Variants in NCOA3 observed in about 807,000 individuals in gnomAD.
NCOA3 encodes the protein CBP-interacting protein.
NCOA3 carries 51 observed loss-of-function variants against 158.8 expected under a neutral mutation model. The observed-to-expected ratio is 0.32, with a 90% CI of 0.26 to 0.41. The LOEUF (loss-of-function observed/expected upper bound fraction) is 0.41. NCOA3 is among the 10% of genes least tolerant of loss of function. The probability of loss-of-function intolerance (pLI) is 1.00; values close to 1 mark genes in which losing one functional copy is unlikely to be tolerated. For synonymous variants in NCOA3, 537 were observed against 592.4 expected, an observed-to-expected ratio of 0.91 and a Z score of 1.36; for missense variants, 1,510 against 1,746.6, an observed-to-expected ratio of 0.86 and a Z score of 2.41.
intron 1 of NCOA3, among the ~76,000 whole-genome samples, chr20:47,571,318 T>G (rs1022888398): frequency 6.6e-6 from 1 of 151,204 alleles, no homozygotes; most frequent in African/African-American, 2.4e-5. Context: ...TTTCTTTTCT[T>G]TCTTTTTTTT....
intron 1 of NCOA3, among the ~76,000 whole-genome samples, chr20:47,515,302 A>G (rs2084214186): frequency 6.6e-6 from 1 of 151,664 alleles, no homozygotes; most frequent in South Asian, 2.1e-4. Context: ...AGCTGGGACT[A>G]CAGGCGCGCA....
intron 1 of NCOA3, among the ~76,000 whole-genome samples, chr20:47,560,996 G>C (rs1255428434): frequency 8.3e-6 from 1 of 120,910 alleles, no homozygotes; most frequent in Non-Finnish European, 1.7e-5. Flanking sequence ...TTTTGAGATA[G>C]GGTCTCTGTC....
chr20:47,621,398 CAG>C (rs72645236), intron 2 of NCOA3, among the ~76,000 whole-genome samples: 23 of 151,962 alleles, frequency 1.5e-4, no homozygotes, highest in Admixed American at 4.6e-4. Flanking sequence ...GCATACGTCT[CAG>C]AGTTTAGTTG....
At chr20:47,575,196 C>G (rs1420189776) in intron 1 of NCOA3, among the ~76,000 whole-genome samples, 5 of 152,128 alleles carry the variant, frequency 3.3e-5, no homozygotes, top group Admixed American at 3.3e-4. Context: ...TCAGAACACA[C>G]AAAAAAGCTT....
At chr20:47,508,639 A>G (rs2084066058) in intron 1 of NCOA3, among the ~76,000 whole-genome samples, 1 of 152,264 alleles carries the variant, frequency 6.6e-6, no homozygotes, top group African/African-American at 2.4e-5. Context: ...AATGTGTATC[A>G]TAATAGAAAT....
At chr20:47,511,546 T>TACACACACACAC (rs1347188795) in intron 1 of NCOA3, among the ~76,000 whole-genome samples, 1 of 29,166 alleles carries the variant, frequency 3.4e-5, no homozygotes, top group East Asian at 1.3e-3. Flanking sequence ...TATATATATA[T>TACACACACACAC]ATATATATAT....
chr20:47,626,988 A>G lies in NCOA3; in HGVS notation c.358-14A>G. 5.6e-6 allele frequency: 9 copies of G among 1,604,002 alleles called. No homozygotes were observed. Among genetic ancestry groups the G allele is most frequent in the Non-Finnish European group, 7.7e-6 (9 of 1,173,690 alleles). On this transcript the variant is annotated splice_polypyrimidine_tract_variant and intron_variant, in intron 5 of 22. Coordinates refer to ENST00000371998, the MANE Select transcript of NCOA3 (RefSeq NM_181659.3). ...TCAGTCCATAACAGCCTGTATTAAC[A>G]TATCCTATTTTAGGCATTGGATGGT...
At chr20:47,625,737 A>G (rs2086311495) in intron 5 of NCOA3, among the ~76,000 whole-genome samples, 1 of 152,208 alleles carries the variant, frequency 6.6e-6, no homozygotes, top group Non-Finnish European at 1.5e-5. Flanking sequence ...ACATAAAAAT[A>G]TAAGCAAGCA....
intron 1 of NCOA3, among the ~76,000 whole-genome samples, chr20:47,535,043 A>G (rs559751658): frequency 6.8e-6 from 1 of 146,800 alleles, no homozygotes; most frequent in Admixed American, 6.9e-5. Context: ...CTTTTTAAAT[A>G]ATTAGCGTTA....
At position 47,642,686 on chromosome 20, in the gene NCOA3, C is replaced by T. The variant is rs72645282; in HGVS notation, c.3252+302C>T. ...GTTCTTAAAAATGTGACCTTTTATTCATGTTAACAGTTCTCATTTTTATAA... is the reference window on the plus strand; with the variant it reads ...GTTCTTAAAAATGTGACCTTTTATTTATGTTAACAGTTCTCATTTTTATAA... On this transcript the variant is annotated intron_variant, in intron 17 of 22. Transcript: ENST00000371998. Among the ~76,000 whole-genome samples, 579 of 152,226 alleles carry T rather than the reference C, an allele frequency of 3.8e-3. 1 individual carries two copies. The highest frequency in any genetic ancestry group is 5.4e-3 in the Non-Finnish European group (369 of 68,000).
At chr20:47,595,867 G>A (rs146375637) in intron 2 of NCOA3, among the ~76,000 whole-genome samples, 3 of 152,220 alleles carry the variant, frequency 2.0e-5, no homozygotes, top group Non-Finnish European at 4.4e-5. Context: ...TCACTATTCT[G>A]TGTTTCATAG....
Position 47,536,866 on chromosome 20 carries a change from C to T in NCOA3, c.-99+34847C>T, listed in dbSNP as rs553637921. 3.2e-3 allele frequency among the ~76,000 whole-genome samples: 468 copies of T among 147,734 alleles called. 2 individuals carry two copies. The highest frequency in any genetic ancestry group is 0.011 in the African/African-American group (442 of 39,814). On this transcript the variant is annotated intron_variant, in intron 1 of 22. Transcript: ENST00000371998. ...TCACTCAGGCTGGAGTGCAGTAGTG[C>T]AATCTCGGCTCACTGCAACCTCCGC...
At chr20:47,552,523 A>G (rs2084940520) in intron 1 of NCOA3, among the ~76,000 whole-genome samples, 1 of 152,182 alleles carries the variant, frequency 6.6e-6, no homozygotes, top group Non-Finnish European at 1.5e-5. Context: ...TAAGAACAGG[A>G]TGATCATTAT....
At position 47,635,610 on chromosome 20, in the gene NCOA3, A is replaced by T. The variant is rs748642979; in HGVS notation, c.1401A>T (p.Pro467=). Residue 467 remains proline (P), a synonymous_variant, in exon 11 of 23, where the codon CCA becomes CCT. Coordinates refer to ENST00000371998, the MANE Select transcript of NCOA3 (RefSeq NM_181659.3). ...NNYGLNMSSP[P]HGSPGLAPNQ... The stretch of plus-strand genomic sequence containing the variant: ...ATGGGCTCAACATGAGTAGCCCCCC[A>T]CATGGGAGTCCTGGTCTTGCCCCAA... 3.1e-6 allele frequency: 5 copies of T among 1,614,164 alleles called. No homozygotes were observed. The South Asian group carries it at 4.4e-5, about 14-fold the overall frequency.
chr20:47,508,560 T>G (rs2084064902), intron 1 of NCOA3, among the ~76,000 whole-genome samples: 1 of 152,224 alleles, frequency 6.6e-6, no homozygotes, highest in South Asian at 2.1e-4. Flanking sequence ...GGGGGCACTT[T>G]TGGAGTAAAT....
chr20:47,627,774 T>C (rs907016238), intron 7 of NCOA3, 25 bp downstream of exon 7: 4 of 1,604,702 alleles, frequency 2.5e-6, no homozygotes, highest in Non-Finnish European at 3.4e-6. Context: ...ATGTTTGTGA[T>C]GTTCATGAAA....
chr20:47,502,049 C>A (rs1156321642), intron 1 of NCOA3, 30 bp downstream of exon 1: 10 of 399,006 alleles, frequency 2.5e-5, no homozygotes, highest in Admixed American at 4.4e-5. Context: ...GAGGCGGTGG[C>A]GGGCGAGGGG....
chr20:47,587,324 T>C (rs2085551122), intron 2 of NCOA3, among the ~76,000 whole-genome samples: 1 of 152,256 alleles, frequency 6.6e-6, no homozygotes, highest in South Asian at 2.1e-4. Flanking sequence ...ATAAAAGTTT[T>C]AGAGACCAAG....
chr20:47,520,826 T>C (rs1001488991), intron 1 of NCOA3, among the ~76,000 whole-genome samples: 1 of 152,204 alleles, frequency 6.6e-6, no homozygotes, highest in African/African-American at 2.4e-5. Context: ...GAGGGAGAAT[T>C]AGGCCCCTCT....
Sources: gnomAD v4.1 joint callset for allele counts (sites outside exome capture counted in the v4.1 genomes callset) on GRCh38, gnomAD v4.1.1 for gene constraint, MANE v1.5 for transcripts, NCBI Gene and HGNC (gene_info 2026-07-23, HGNC 2026-07-21) for gene names.